The following LIPG variants were observed in gnomAD, a reference collection of about 807,000 sequenced individuals.
LIPG encodes the protein lipase G, endothelial type, also known as endothelial lipase.
A neutral mutation model predicts 51.8 loss-of-function variants in LIPG; 34 were observed. That is an observed-to-expected ratio of 0.66 (90% confidence interval 0.50 to 0.87). The LOEUF is 0.87. Among genes scored for constraint, LIPG ranks in the 40% least tolerant of loss-of-function variants. The probability of loss-of-function intolerance (pLI) is 0.00; values close to 1 mark genes in which losing one functional copy is unlikely to be tolerated. For missense variants in LIPG, 580 were observed against 652.7 expected, an observed-to-expected ratio of 0.89 and a Z score of 1.21; for synonymous variants, 246 against 246.1, an observed-to-expected ratio of 1.00 and a Z score of 0.00.
At chr18:49,590,208 TA>T in intron 9 of LIPG, 1 of 495,736 alleles carries the variant, frequency 2.0e-6, no homozygotes, top group Non-Finnish European at 3.7e-6. Context: ...TGTGTGTGTG[TA>T]TGTTGTGGGT....
chr18:49,576,107 A>C (rs1342922776), intron 5 of LIPG, among the ~76,000 whole-genome samples: 1 of 151,796 alleles, frequency 6.6e-6, no homozygotes, highest in South Asian at 2.1e-4. Context: ...CAAAGTGCTG[A>C]GATTACAGGT....
At chr18:49,588,480 G>T (rs1018159264) in intron 9 of LIPG, among the ~76,000 whole-genome samples, 1 of 151,830 alleles carries the variant, frequency 6.6e-6, no homozygotes, top group Non-Finnish European at 1.5e-5. Context: ...ATGGGTTTTC[G>T]CCATGTTGGC....
intron 7 of LIPG, among the ~76,000 whole-genome samples, chr18:49,582,920 G>A (rs2084837733): frequency 6.6e-6 from 1 of 152,250 alleles, no homozygotes; most frequent in Non-Finnish European, 1.5e-5. Context: ...ATCATGCCAA[G>A]TAATGTTGGG....
rs2084961420 is a variant in LIPG at position 49,593,077 on chromosome 18, T to A, written c.*2555T>A. 6.6e-6 allele frequency: 1 copy of A among 152,016 alleles called. No homozygotes were observed. The allele number at this position is 152,016 out of a possible 1,614,324, so 9.4% of individuals were successfully genotyped here. A position where few individuals can be genotyped will look rare whatever the true frequency, so the allele number is the denominator to read the frequency against. ...TTCTGAGTAGCTGGGATTACAGAGA[T>A]GCGTCACCATGTCTGGCTAATTTTT... On this transcript the variant is annotated 3_prime_UTR_variant, in exon 10 of 10. Transcript: ENST00000261292.
intron 2 of LIPG, among the ~76,000 whole-genome samples, chr18:49,567,074 C>T (rs61766062): frequency 0.087 from 13,239 of 152,212 alleles, 761 homozygotes; most frequent in Middle Eastern, 0.16. Context: ...TGGTGGCTCA[C>T]GCCTATAATC....
chr18:49,566,279 G>A (rs1050997955), intron 2 of LIPG, among the ~76,000 whole-genome samples: 1 of 152,198 alleles, frequency 6.6e-6, no homozygotes, highest in Non-Finnish European at 1.5e-5. Flanking sequence ...CTAGTTGAAT[G>A]AAGAGATGAT....
chr18:49,592,924 A>ATTTTTT lies in LIPG; in HGVS notation c.*2423_*2428dup, dbSNP rs1023534320. 1.8e-5 allele frequency: 2 copies of ATTTTTT among 113,578 alleles called. No homozygotes were observed. Among genetic ancestry groups the ATTTTTT allele is most frequent in the African/African-American group, 7.0e-5 (2 of 28,590 alleles). The allele number at this position is 113,578 out of a possible 1,614,324, so 7.0% of individuals were successfully genotyped here. On this transcript the variant is annotated 3_prime_UTR_variant, in exon 10 of 10. Transcript: ENST00000261292. Reference sequence around the variant, plus strand: ...AAGTTCTTAATGGTCTGACAACTCAATTTTTTTTTTTTTTTTTTTTTTTTT... The same window carrying ATTTTTT: ...AAGTTCTTAATGGTCTGACAACTCAATTTTTTTTTTTTTTTTTTTTTTTTTTTTTTT...
At chr18:49,561,635 G>A (rs2084550418), upstream of LIPG, 6 of 1,217,844 alleles carry the variant, frequency 4.9e-6, no homozygotes, top group Middle Eastern at 1.3e-3. Flanking sequence ...CCCGGCCCAG[G>A]GAGCGGATAG....
chr18:49,577,826 G>A (rs867756051), intron 5 of LIPG, among the ~76,000 whole-genome samples: 703 of 84,136 alleles, frequency 8.4e-3, no homozygotes, highest in Middle Eastern at 0.012. Context: ...CGGACGGGGC[G>A]GCTGGCCGGG....
At position 49,569,433 on chromosome 18, in the gene LIPG, A is replaced by G. The variant is rs1047617926; in HGVS notation, c.460-4A>G. On this transcript the variant is annotated splice_polypyrimidine_tract_variant and splice_region_variant and intron_variant, in intron 3 of 9. Coordinates refer to ENST00000261292, the MANE Select transcript of LIPG (RefSeq NM_006033.4). ...TGCTCACATACTTTGGTGACTTTCTATAGGAGAAGGACGATTTTTCTCTCG... is the reference window on the plus strand; with the variant it reads ...TGCTCACATACTTTGGTGACTTTCTGTAGGAGAAGGACGATTTTTCTCTCG... 1.9e-6 allele frequency: 3 copies of G among 1,613,762 alleles called. No individual in the cohort carries two copies. Among genetic ancestry groups the G allele is most frequent in the African/African-American group, 2.7e-5 (2 of 75,006 alleles).
At chr18:49,575,310 G>T in intron 4 of LIPG, 59 bp from the exon 5 acceptor site, 1 of 1,354,432 alleles carries the variant, frequency 7.4e-7, no homozygotes, top group Non-Finnish European at 1.1e-6. Flanking sequence ...TTGTAATCAG[G>T]ACTCACTGAC....
chr18:49,562,542 C>A, intron 1 of LIPG, 137 bp downstream of exon 1: 1 of 799,516 alleles, frequency 1.3e-6, no homozygotes, highest in Non-Finnish European at 2.1e-6. Context: ...TCCTCCAATC[C>A]ACCTTGGAGT....
chr18:49,586,722 T>C, intron 8 of LIPG, 24 bp from the exon 9 acceptor site: 1 of 1,537,434 alleles, frequency 6.5e-7, no homozygotes, highest in Non-Finnish European at 9.0e-7. Context: ...TCTGCCTACA[T>C]CAGTGGTTTC....
rs574022919 is a variant in LIPG at position 49,575,598 on chromosome 18, C to T, written c.793+8C>T. ...GATCAATTGCATATGGAAGTGAGTT[C>T]CCTCTTTTCTGCTTTGTGTTTGACT... On this transcript the variant is annotated splice_region_variant and intron_variant, in intron 5 of 9. Transcript: ENST00000261292. 6.1e-5 allele frequency: 98 copies of T among 1,610,528 alleles called. No individual in the cohort carries two copies. The highest frequency in any genetic ancestry group is 8.1e-5 in the Non-Finnish European group (95 of 1,177,442).
chr18:49,576,857 C>T (rs991067107), intron 5 of LIPG, among the ~76,000 whole-genome samples: 4 of 152,184 alleles, frequency 2.6e-5, no homozygotes, highest in Admixed American at 1.3e-4. Context: ...AGCTATCCCC[C>T]TGCCTCAGCC....
intron 8 of LIPG, 88 bp from the exon 9 acceptor site, chr18:49,586,658 C>T: frequency 1.1e-6 from 1 of 931,044 alleles, no homozygotes; most frequent in South Asian, 1.3e-5. Flanking sequence ...TCACCCCTGC[C>T]TCCTCACCCA....
At chr18:49,576,334 C>T (rs2084715833) in intron 5 of LIPG, among the ~76,000 whole-genome samples, 1 of 151,564 alleles carries the variant, frequency 6.6e-6, no homozygotes, top group African/African-American at 2.4e-5. Context: ...CATATTTTTC[C>T]CCCAAATCAC....
chr18:49,567,377 G>A, intron 2 of LIPG, 65 bp from the exon 3 acceptor site: 1 of 1,509,932 alleles, frequency 6.6e-7, no homozygotes, highest in South Asian at 1.2e-5. Context: ...ATATAGAAAG[G>A]AATTCCATAT....
chr18:49,570,612 C>T (rs8092678), intron 4 of LIPG, among the ~76,000 whole-genome samples: 33,742 of 151,984 alleles, frequency 0.22, 4,110 homozygotes, highest in Non-Finnish European at 0.27. Flanking sequence ...GGGTGGATCA[C>T]GAGGTCAGGA....
Sources: allele counts gnomAD v4.1 joint callset (sites outside exome capture counted in the v4.1 genomes callset), GRCh38; gene constraint gnomAD v4.1.1; transcripts MANE v1.5; gene names NCBI Gene and HGNC (gene_info 2026-07-23, HGNC 2026-07-21).